Variants in FAM178B observed in about 807,000 individuals in gnomAD.
FAM178B encodes family with sequence similarity 178 member B.
Under a neutral mutation model 91.7 loss-of-function variants are expected in FAM178B, and 82 were observed. The observed-to-expected ratio is 0.89, with a 90% CI of 0.75 to 1.07. The LOEUF (loss-of-function observed/expected upper bound fraction) is 1.07. Ranked by LOEUF, FAM178B falls within the 50% of genes least tolerant of loss-of-function variation. The pLI, the probability that FAM178B is intolerant of heterozygous loss-of-function variation, is 0.00. For synonymous variants in FAM178B, 368 were observed against 359.4 expected, an observed-to-expected ratio of 1.02 and a Z score of -0.27; for missense variants, 769 against 846.7, an observed-to-expected ratio of 0.91 and a Z score of 1.14.
intron 7 of FAM178B, among the ~76,000 whole-genome samples, chr2:96,950,905 T>C (rs949578161): frequency 2.0e-5 from 3 of 152,296 alleles, no homozygotes; most frequent in African/African-American, 7.2e-5. Context: ...AACCAGGCAC[T>C]GCAGGATTGC....
At chr2:96,946,152 G>A (rs1018220532) in intron 8 of FAM178B, among the ~76,000 whole-genome samples, 5 of 152,114 alleles carry the variant, frequency 3.3e-5, no homozygotes, top group African/African-American at 1.2e-4. Flanking sequence ...TTCACTCAGC[G>A]TAATGTTTTC....
At chr2:96,905,038 G>T (rs2081004742) in intron 12 of FAM178B, among the ~76,000 whole-genome samples, 1 of 149,634 alleles carries the variant, frequency 6.7e-6, no homozygotes, top group African/African-American at 2.5e-5. Context: ...TGGGATTACA[G>T]GCAACCCCAA....
At chr2:96,959,625 C>T (rs903172767) in intron 6 of FAM178B, among the ~76,000 whole-genome samples, 1 of 152,210 alleles carries the variant, frequency 6.6e-6, no homozygotes, top group African/African-American at 2.4e-5. Context: ...GGGCACCAGC[C>T]TGTGTGAGCA....
At chr2:96,896,026 C>T (rs539367828) in intron 13 of FAM178B, among the ~76,000 whole-genome samples, 82 of 152,346 alleles carry the variant, frequency 5.4e-4, no homozygotes, top group African/African-American at 1.9e-3. Flanking sequence ...TCACCCAAAC[C>T]ATGGCTGTGC....
chr2:96,917,197 C>G (rs2081255677), intron 12 of FAM178B, among the ~76,000 whole-genome samples: 1 of 152,146 alleles, frequency 6.6e-6, no homozygotes, highest in Admixed American at 6.5e-5. Flanking sequence ...GAAAGGAGTA[C>G]TTTCAAAAAG....
chr2:96,981,996 G>A (rs1488008278), intron 1 of FAM178B, among the ~76,000 whole-genome samples: 1 of 151,888 alleles, frequency 6.6e-6, no homozygotes, highest in African/African-American at 2.4e-5. Context: ...GAGTCCAGGA[G>A]GTCAAGGTTG....
At chr2:96,978,053 T>C (rs1210497158) in intron 1 of FAM178B, 3 of 383,606 alleles carry the variant, frequency 7.8e-6, no homozygotes, top group African/African-American at 2.1e-5. Context: ...CAACTATTCC[T>C]CTTCATCCTC....
At chr2:96,972,691 C>G in intron 1 of FAM178B, 85 bp from the exon 2 acceptor site, 1 of 1,303,756 alleles carries the variant, frequency 7.7e-7, no homozygotes, top group Non-Finnish European at 1.1e-6. Context: ...AGAGGAGGGC[C>G]TGGGCCCACT....
intron 12 of FAM178B, among the ~76,000 whole-genome samples, chr2:96,908,575 T>C (rs917072821): frequency 5.3e-5 from 8 of 152,202 alleles, no homozygotes; most frequent in Non-Finnish European, 8.8e-5. Flanking sequence ...AATGAATCTA[T>C]GTGATGGAAG....
intron 8 of FAM178B, among the ~76,000 whole-genome samples, chr2:96,939,877 C>T (rs2153372488): frequency 6.6e-6 from 1 of 152,186 alleles, no homozygotes; most frequent in Middle Eastern, 3.4e-3. Context: ...AAATTAAGCT[C>T]TCTGGAAATG....
intron 8 of FAM178B, among the ~76,000 whole-genome samples, chr2:96,943,217 A>G (rs2153372719): frequency 6.6e-6 from 1 of 152,334 alleles, no homozygotes; most frequent in East Asian, 1.9e-4. Context: ...AAAATGAGAG[A>G]AAACATTTGC....
rs559947589 is a variant in FAM178B at position 96,970,874 on chromosome 2, T to C, written c.565-97A>G. The C allele has an allele frequency of 1.0e-3, 954 of 909,242 alleles. 3 individuals carry two copies. Among genetic ancestry groups the C allele is most frequent in the Non-Finnish European group, 1.4e-3 (800 of 579,796 alleles). The allele number at this position is 909,242 out of a possible 1,614,324, so 56.3% of individuals were successfully genotyped here. On this transcript the variant is annotated intron_variant, in intron 3 of 16. Transcript: ENST00000490605. ...TAAATTAAGCCCTTTATTTATTTTG[T>C]TTGCTTTTCTGAAAAGATACTATGT...
intron 16 of FAM178B, among the ~76,000 whole-genome samples, chr2:96,877,410 T>C (rs1244100085): frequency 2.0e-5 from 3 of 151,760 alleles, no homozygotes; most frequent in African/African-American, 7.3e-5. Context: ...GGATTTTTTT[T>C]TTTTTTTTTT....
Position 96,986,317 on chromosome 2 carries a change from G to A in FAM178B, c.-4C>T. 1 of 1,534,044 alleles carries A rather than the reference G, an allele frequency of 6.5e-7. No homozygotes were observed. On this transcript the variant is annotated 5_prime_UTR_variant, in exon 1 of 17. Transcript: ENST00000490605. ...CACCTGGAAGCCTTGGCCACATAGGGCGGGAAGGGCAGGGCTCCGGGGTGA... is the reference window on the plus strand; with the variant it reads ...CACCTGGAAGCCTTGGCCACATAGGACGGGAAGGGCAGGGCTCCGGGGTGA...
intron 1 of FAM178B, among the ~76,000 whole-genome samples, chr2:96,975,284 T>A (rs1357272958): frequency 2.0e-5 from 3 of 152,138 alleles, no homozygotes; most frequent in Non-Finnish European, 4.4e-5. Context: ...CACTGTATAG[T>A]AACATATAGT....
intron 2 of FAM178B, 61 bp downstream of exon 2, chr2:96,972,477 C>T: frequency 1.3e-6 from 2 of 1,533,572 alleles, no homozygotes; most frequent in Non-Finnish European, 1.8e-6. Context: ...CATGGGCTCT[C>T]CACTTCCTCT....
intron 12 of FAM178B, among the ~76,000 whole-genome samples, chr2:96,917,300 C>T (rs2081257041): frequency 6.6e-6 from 1 of 151,992 alleles, no homozygotes; most frequent in South Asian, 2.1e-4. Context: ...GATAAGGCAC[C>T]CTCCTTCCTA....
In FAM178B at chr2:96,978,872, G is replaced by A. The variant is rs190799654; in HGVS notation, c.74-6266C>T. ...CATCTCCTGACCTCGTGATCCGCCCGCCTCGGCCTCTCAAAGTGCTGGGAT... is the reference window on the plus strand; with the variant it reads ...CATCTCCTGACCTCGTGATCCGCCCACCTCGGCCTCTCAAAGTGCTGGGAT... On this transcript the variant is annotated intron_variant, in intron 1 of 16. Transcript: ENST00000490605. Among the ~76,000 whole-genome samples the A allele has an allele frequency of 4.0e-5, 6 of 151,392 alleles. No individual in the cohort carries two copies. The East Asian group carries it at 5.8e-4, about 15-fold the overall frequency.
In FAM178B at chr2:96,900,779, C is replaced by T. The variant is rs1398954190; in HGVS notation, c.1650+1841G>A. 2.0e-5 allele frequency among the ~76,000 whole-genome samples: 3 copies of T among 152,186 alleles called. No individual in the cohort carries two copies. In the South Asian group the frequency reaches 6.2e-4, roughly 32 times the overall value. On this transcript the variant is annotated intron_variant, in intron 13 of 16. Coordinates refer to ENST00000490605, the MANE Select transcript of FAM178B (RefSeq NM_001122646.3). The stretch of plus-strand genomic sequence containing the variant: ...GGCCGAAGCCGCTCAGACAACCCAA[C>T]CCCACCGGTCACCTCTCTGAACTCC...
Sources: allele counts gnomAD v4.1 joint callset (sites outside exome capture counted in the v4.1 genomes callset), GRCh38; gene constraint gnomAD v4.1.1; transcripts MANE v1.5; gene names NCBI Gene and HGNC (gene_info 2026-07-23, HGNC 2026-07-21).